OR4P4: variants seen among roughly 807,000 people sequenced by gnomAD.
The protein encoded by OR4P4 is olfactory receptor 4P4.
Under a neutral mutation model 2.1 loss-of-function variants are expected in OR4P4, and 1 was observed. The observed-to-expected ratio is 0.47, with a 90% CI of 0.17 to 2.21. The LOEUF (loss-of-function observed/expected upper bound fraction) is 2.21, where lower values mean the gene tolerates loss of function less well. Among genes scored for constraint, OR4P4 ranks in the 30% most tolerant of loss-of-function variants. The probability of loss-of-function intolerance (pLI) is 0.27; values close to 1 mark genes in which losing one functional copy is unlikely to be tolerated. For missense variants in OR4P4, 375 were observed against 376.5 expected (o/e 1.00, Z 0.03); for synonymous variants, 129 against 133.2 (o/e 0.97, Z 0.22).
intron 1 of OR4P4, 75 bp from the exon 2 acceptor site, chr11:55,638,253 C>T: frequency 1.7e-6 from 1 of 599,710 alleles, no homozygotes; most frequent in Non-Finnish European, 2.8e-6. Context: ...TTAAATCTAG[C>T]TAGTTCCTCA....
At chr11:55,638,216 C>G in intron 1 of OR4P4, 112 bp from the exon 2 acceptor site, 1 of 493,112 alleles carries the variant, frequency 2.0e-6, no homozygotes, top group East Asian at 3.4e-5. Flanking sequence ...CAGATATTTA[C>G]TCTCTGAACC....
At chr11:55,640,040 A>G (rs1457939998) in exon 2 of OR4P4, 1 of 135,194 alleles carries the variant, frequency 7.4e-6, no homozygotes, top group Non-Finnish European at 1.6e-5. Flanking sequence ...AGGCTGAGGC[A>G]GGAGAATCGC....
chr11:55,640,257 T>G lies in OR4P4; in HGVS notation c.*961T>G, dbSNP rs976025941. The stretch of plus-strand genomic sequence containing the variant: ...CGTGTGTGTCTTCTTAGTGTTTCAT[T>G]TGTGAGTCATTTCTCATGTTGGTAA... On this transcript the variant is annotated 3_prime_UTR_variant, in exon 2 of 2. Transcript: ENST00000641760. 1.5e-5 allele frequency: 2 copies of G among 136,808 alleles called. 1 individual carries two copies. The highest frequency in any genetic ancestry group is 3.2e-5 in the Non-Finnish European group (2 of 61,928). The allele number at this position is 136,808 out of a possible 1,614,324, so 8.5% of individuals were successfully genotyped here.
At chr11:55,638,363 A>T (rs1351945195) in exon 2 of OR4P4, 1 of 1,350,626 alleles carries the variant, frequency 7.4e-7, no homozygotes, top group Admixed American at 2.4e-5. Context: ...GGACCATGGA[A>T]AAAAGCAATA....
In OR4P4 at chr11:55,639,239, C is replaced by G. The variant is rs754844051; in HGVS notation, c.882C>G (p.Asn294Lys). The stretch of plus-strand genomic sequence containing the variant: ...CGCTGAGAAACACAGAGATGAAGAA[C>G]GCCATGAGGAAAGTGTGGTGTTGTC... Residue 294 changes from asparagine to lysine, a missense_variant, in exon 2 of 2, where the codon AAC becomes AAG. Coordinates refer to ENST00000641760, the Ensembl canonical transcript of OR4P4. 20 of 1,486,128 alleles carry G rather than the reference C, an allele frequency of 1.3e-5. 3 individuals carry two copies. The highest frequency in any genetic ancestry group is 1.8e-5 in the Non-Finnish European group (20 of 1,094,158). 92.1% of individuals were successfully genotyped at this position (1,486,128 alleles called of 1,614,324 possible).
At chr11:55,635,803 G>T (rs1443409930) in intron 1 of OR4P4, among the ~76,000 whole-genome samples, 1 of 137,486 alleles carries the variant, frequency 7.3e-6, no homozygotes, top group Non-Finnish European at 1.6e-5. Context: ...ATCATATTAA[G>T]CAGTTGCTAA....
Position 55,639,317 on chromosome 11 carries a change from C to A in OR4P4, c.*21C>A. ...TCTGAATTGTTTCTGCTTTTCATGC[C>A]GTGGTTCCCTGATGAATGAGAAAAA... is the stretch of plus-strand genomic sequence containing the variant. On this transcript the variant is annotated 3_prime_UTR_variant, in exon 2 of 2. Coordinates refer to ENST00000641760, the Ensembl canonical transcript of OR4P4. 3 of 1,250,192 alleles carry A rather than the reference C, an allele frequency of 2.4e-6. 1 individual carries two copies. The highest frequency in any genetic ancestry group is 2.2e-6 in the Non-Finnish European group (2 of 908,608). 77.4% of individuals were successfully genotyped at this position (1,250,192 alleles called of 1,614,324 possible).
At chr11:55,640,200 G>C (rs2120186363) in exon 2 of OR4P4, 1 of 135,818 alleles carries the variant, frequency 7.4e-6, no homozygotes, top group South Asian at 2.4e-4. Flanking sequence ...CTTGTACTTT[G>C]AAGAGTAAGA....
rs1340901752 is a variant in OR4P4 at position 55,638,497 on chromosome 11, T to C, written c.140T>C (p.Ile47Thr). The C allele has an allele frequency of 5.4e-6, 8 of 1,483,874 alleles. 2 individuals carry two copies. The highest frequency in any genetic ancestry group is 6.4e-6 in the Non-Finnish European group (7 of 1,090,044). The allele number at this position is 1,483,874 out of a possible 1,614,324, so 91.9% of individuals were successfully genotyped here. The stretch of plus-strand genomic sequence containing the variant: ...GGAAACTTACTCATAATGATTTCTA[T>C]CACGTGCACCCAGCTCATTCACCAA... Residue 47 changes from isoleucine (I) to threonine (T), a missense_variant, in exon 2 of 2, where the codon ATC becomes ACC. Transcript: ENST00000641760.
At chr11:55,638,451 T>C in exon 2 of OR4P4, 1 of 1,464,460 alleles carries the variant, frequency 6.8e-7, no homozygotes, top group Non-Finnish European at 9.3e-7. Context: ...ATTTTTGTTT[T>C]GCTACATTGC....
At chr11:55,638,669 T>C (rs1314528008) in exon 2 of OR4P4, 1 of 1,492,832 alleles carries the variant, frequency 6.7e-7, no homozygotes, top group Non-Finnish European at 9.1e-7. Flanking sequence ...CCACCCATTT[T>C]TTTGGAGGCA....
At position 55,635,759 on chromosome 11, in the gene OR4P4, G is replaced by A. The variant is rs115371599; in HGVS notation, c.-31+543G>A. ...TTGCCCTCATAAACATGTGATATTTGTTGAAAATATATTTTTTACTCCTGT... is the reference window on the plus strand; with the variant it reads ...TTGCCCTCATAAACATGTGATATTTATTGAAAATATATTTTTTACTCCTGT... On this transcript the variant is annotated intron_variant, in intron 1 of 1. Coordinates refer to ENST00000641760, the Ensembl canonical transcript of OR4P4. Among the ~76,000 whole-genome samples the A allele has an allele frequency of 8.6e-3, 1,176 of 136,962 alleles. 123 individuals carry two copies. Among genetic ancestry groups the A allele is most frequent in the African/African-American group, 0.028 (1,121 of 39,760 alleles). The allele number at this position is 136,962 out of a possible 152,430, so 89.9% of individuals were successfully genotyped here.
Position 55,638,432 on chromosome 11 carries a change from C to T in OR4P4, c.75C>T (p.Cys25=), listed in dbSNP as rs1190396303. ...AAAATAAGAACATTGAAGTCCTCTG[C>T]TTTGTATTATTTTTGTTTTGCTACA... The change falls in exon 2 of 2, where the codon TGC becomes TGT. Residue 25 remains cysteine, a synonymous_variant. Transcript: ENST00000641760. 1.4e-6 allele frequency: 2 copies of T among 1,465,074 alleles called. 1 individual carries two copies. The highest frequency in any genetic ancestry group is 1.9e-6 in the Non-Finnish European group (2 of 1,077,010). 90.8% of individuals were successfully genotyped at this position (1,465,074 alleles called of 1,614,324 possible).
exon 2 of OR4P4, chr11:55,638,445 T>C: frequency 6.8e-7 from 1 of 1,469,042 alleles, no homozygotes. Flanking sequence ...TGTATTATTT[T>C]TGTTTTGCTA....
chr11:55,635,135 G>T (rs1361126810), exon 1 of OR4P4: 1 of 137,504 alleles, frequency 7.3e-6, no homozygotes, highest in Non-Finnish European at 1.6e-5. Context: ...ATAAACGGCA[G>T]ATCTCAGTCA....
At position 55,639,120 on chromosome 11, in the gene OR4P4, A is replaced by G; in HGVS notation, c.763A>G (p.Ile255Val). The G allele has an allele frequency of 4.7e-6, 7 of 1,493,698 alleles. 1 individual carries two copies. The highest frequency in any genetic ancestry group is 1.2e-5 in the South Asian group (1 of 84,862). The allele number at this position is 1,493,698 out of a possible 1,614,324, so 92.5% of individuals were successfully genotyped here. ...CCTGTTTTTTGCACCTGCATTGTTC[A>G]TTTACATTAGACCGGTCACAACATT... Residue 255 changes from isoleucine (I) to valine (V), a missense_variant, in exon 2 of 2, where the codon ATT becomes GTT. Transcript: ENST00000641760.
In OR4P4 at chr11:55,639,221, A is replaced by C; in HGVS notation, c.864A>C (p.Arg288Ser). 11 of 1,489,534 alleles carry C rather than the reference A, an allele frequency of 7.4e-6. 1 individual carries two copies. The highest frequency in any genetic ancestry group is 1.0e-5 in the Non-Finnish European group (11 of 1,095,166). 92.3% of individuals were successfully genotyped at this position (1,489,534 alleles called of 1,614,324 possible). The change falls in exon 2 of 2, where the codon AGA (arginine) becomes AGC (serine). Residue 288 changes from arginine to serine, a missense_variant. Coordinates refer to ENST00000641760, the Ensembl canonical transcript of OR4P4. ...TCAACCCTCTCATATACACGCTGAGAAACACAGAGATGAAGAACGCCATGA... is the reference window on the plus strand; with the variant it reads ...TCAACCCTCTCATATACACGCTGAGCAACACAGAGATGAAGAACGCCATGA...
chr11:55,638,701 G>A lies in OR4P4; in HGVS notation c.344G>A (p.Gly115Glu), dbSNP rs765931099. 17 of 1,491,310 alleles carry A rather than the reference G, an allele frequency of 1.1e-5. 4 individuals carry two copies. The Admixed American group carries it at 2.8e-4, about 24-fold the overall frequency. The allele number at this position is 1,491,310 out of a possible 1,614,324, so 92.4% of individuals were successfully genotyped here. The change falls in exon 2 of 2, where the codon GGG becomes GAG. Residue 115 changes from glycine to glutamate, a missense_variant. Physicochemically the swap from Gly to Glu is moderately conservative, Grantham distance 98. Coordinates refer to ENST00000641760, the Ensembl canonical transcript of OR4P4. ...GGCATAGAGATCTTCATTCTCACAG[G>A]GATGGCCTATGACCGCTATGTGGCC... is the stretch of plus-strand genomic sequence containing the variant.
rs535870263 is a variant in OR4P4, at chr11:55,635,723, C to A, written c.-31+507C>A. On this transcript the variant is annotated intron_variant, in intron 1 of 1. Transcript: ENST00000641760. ...GCATATGTGAGTCAATTATTTTTTT[C>A]TCTCTTAGCATTGCCCTCATAAACA... Among the ~76,000 whole-genome samples the A allele has an allele frequency of 8.1e-4, 111 of 137,316 alleles. 12 individuals are homozygous for A. Among genetic ancestry groups the A allele is most frequent in the African/African-American group, 2.8e-3 (111 of 39,916 alleles). 90.1% of individuals were successfully genotyped at this position (137,316 alleles called of 152,430 possible). A position where few individuals can be genotyped will look rare whatever the true frequency, so the allele number is the denominator to read the frequency against.
Sources: gnomAD v4.1 joint callset for allele counts (sites outside exome capture counted in the v4.1 genomes callset) on GRCh38, gnomAD v4.1.1 for gene constraint, MANE v1.5 for transcripts, NCBI Gene and HGNC (gene_info 2026-07-23, HGNC 2026-07-21) for gene names.